Variants in ARHGEF33 observed in about 807,000 individuals in gnomAD.
ARHGEF33 encodes the protein DH and coiled-coil domain-containing protein ENSP00000381780.
In ARHGEF33, 72 loss-of-function variants were observed where a neutral mutation model predicts 101.9. The observed-to-expected ratio is 0.71, with a 90% CI of 0.58 to 0.86. The LOEUF is 0.86. ARHGEF33 is among the 40% of genes least tolerant of loss of function. ARHGEF33 has a pLI of 0.00. For missense variants in ARHGEF33, 1,169 were observed against 1,111.3 expected (o/e 1.05, Z -0.74); for synonymous variants, 499 against 442.5 (o/e 1.13, Z -1.60).
chr2:38,961,629 T>G (rs1054776857), intron 16 of ARHGEF33, among the ~76,000 whole-genome samples: 5 of 152,192 alleles, frequency 3.3e-5, no homozygotes, highest in Non-Finnish European at 7.3e-5. Context: ...CAGCAAACAC[T>G]GAGTTCTTGT....
chr2:38,963,429 T>C (rs897015264), intron 16 of ARHGEF33, among the ~76,000 whole-genome samples: 2 of 152,208 alleles, frequency 1.3e-5, no homozygotes, highest in African/African-American at 4.8e-5. Context: ...TCAGGAGCTC[T>C]AGGTTCTAGT....
intron 14 of ARHGEF33, 109 bp downstream of exon 14, chr2:38,957,156 A>G: frequency 7.6e-7 from 1 of 1,320,426 alleles, no homozygotes; most frequent in Non-Finnish European, 1.0e-6. Flanking sequence ...GGTGGGAGGT[A>G]GAAGGAAAGA....
intron 7 of ARHGEF33, 138 bp from the exon 8 acceptor site, chr2:38,935,632 ATACTG>A: frequency 1.7e-6 from 1 of 601,736 alleles, no homozygotes; most frequent in Non-Finnish European, 2.9e-6. Flanking sequence ...TTGCCACACT[ATACTG>A]TAATTTCTTT....
intron 4 of ARHGEF33, among the ~76,000 whole-genome samples, chr2:38,925,058 A>T (rs1049516975): frequency 2.6e-5 from 4 of 152,174 alleles, no homozygotes; most frequent in African/African-American, 9.7e-5. Flanking sequence ...TAAATGCCTT[A>T]TTAGAATATT....
chr2:38,974,029 A>G lies in ARHGEF33; in HGVS notation c.*186A>G. On this transcript the variant is annotated 3_prime_UTR_variant, in exon 18 of 18. Transcript: ENST00000409978. ...CATACAAGACATTGAAGAGATGAAG[A>G]TTAGTTTCTGGTTAAGATCTGGCTT... 3.2e-6 allele frequency: 1 copy of G among 309,042 alleles called. No homozygotes were observed. Among genetic ancestry groups the G allele is most frequent in the Non-Finnish European group, 4.9e-6 (1 of 203,004 alleles). The allele number at this position is 309,042 out of a possible 1,614,324, so 19.1% of individuals were successfully genotyped here. A position where few individuals can be genotyped will look rare whatever the true frequency, so the allele number is the denominator to read the frequency against.
chr2:38,921,191 T>C (rs2124992412), intron 3 of ARHGEF33, among the ~76,000 whole-genome samples, 183 bp from the exon 4 acceptor site: 1 of 152,332 alleles, frequency 6.6e-6, no homozygotes, highest in Middle Eastern at 3.4e-3. Context: ...GTTTAGTGAT[T>C]AGGATGTGTG....
chr2:38,940,431 CTT>C (rs752151423), intron 9 of ARHGEF33, among the ~76,000 whole-genome samples: 23 of 142,380 alleles, frequency 1.6e-4, no homozygotes, highest in Non-Finnish European at 1.9e-4. Flanking sequence ...GCCCAGCCAT[CTT>C]TTTTTTTTTT....
rs1319845529 is a variant in ARHGEF33, at chr2:38,964,625, G to T, written c.2344-1381G>T. On this transcript the variant is annotated intron_variant, in intron 16 of 17. Transcript: ENST00000409978. ...CCTATGAAAATCTAATGCCACTGCTGATCTGACAGAAGGTGGAGCTCAGGT... is the reference window on the plus strand; with the variant it reads ...CCTATGAAAATCTAATGCCACTGCTTATCTGACAGAAGGTGGAGCTCAGGT... 2.6e-5 allele frequency among the ~76,000 whole-genome samples: 4 copies of T among 151,198 alleles called. No individual in the cohort carries two copies. The Admixed American group carries it at 2.7e-4, about 10-fold the overall frequency.
chr2:38,937,930 T>C (rs767004727), intron 9 of ARHGEF33, among the ~76,000 whole-genome samples: 1 of 152,178 alleles, frequency 6.6e-6, no homozygotes, highest in African/African-American at 2.4e-5. Context: ...ACACAGCCTG[T>C]CCTCCCTCCT....
chr2:38,906,132 T>G (rs1231421418), intron 2 of ARHGEF33, among the ~76,000 whole-genome samples: 2 of 146,474 alleles, frequency 1.4e-5, no homozygotes, highest in Non-Finnish European at 3.0e-5. Flanking sequence ...GTGCCAAGAT[T>G]GAGCCAAGAT....
At chr2:38,940,805 T>A (rs1667287254) in intron 9 of ARHGEF33, among the ~76,000 whole-genome samples, 1 of 152,168 alleles carries the variant, frequency 6.6e-6, no homozygotes, top group East Asian at 1.9e-4. Context: ...CAAATCAATC[T>A]CCCTGAAAAT....
At chr2:38,924,658 A>C (rs2124994786) in intron 4 of ARHGEF33, among the ~76,000 whole-genome samples, 1 of 152,178 alleles carries the variant, frequency 6.6e-6, no homozygotes, top group East Asian at 1.9e-4. Context: ...TAAATCCATG[A>C]ATTTAGGACA....
In ARHGEF33 at chr2:38,937,515, G is replaced by T; in HGVS notation, c.746G>T (p.Arg249Ile). Residue 249 changes from arginine to isoleucine, a missense_variant, in exon 9 of 18, where the codon AGA becomes ATA. Physicochemically the swap from Arg to Ile is moderately conservative, Grantham distance 97. Transcript: ENST00000409978. ...AAACTCAAGGAGGCTGGCCAGGGTAGACACAGCTCCTTGGAAAACGTTTTA... is the reference window on the plus strand; with the variant it reads ...AAACTCAAGGAGGCTGGCCAGGGTATACACAGCTCCTTGGAAAACGTTTTA... ...PDKLKEAGQG[R>I]HSSLENVLCE... 6.4e-7 allele frequency: 1 copy of T among 1,550,692 alleles called. No individual in the cohort carries two copies. Among genetic ancestry groups the T allele is most frequent in the East Asian group, 2.4e-5 (1 of 40,920 alleles).
intron 17 of ARHGEF33, among the ~76,000 whole-genome samples, chr2:38,970,800 T>C (rs973833977): frequency 6.6e-6 from 1 of 152,202 alleles, no homozygotes; most frequent in Non-Finnish European, 1.5e-5. Context: ...TCCAAACTCA[T>C]GTTGGTTAAT....
At chr2:38,939,324 C>T (rs1213642777) in intron 9 of ARHGEF33, among the ~76,000 whole-genome samples, 1 of 152,094 alleles carries the variant, frequency 6.6e-6, no homozygotes, top group Admixed American at 6.5e-5. Flanking sequence ...GATGTATGCC[C>T]TCATTTCTCT....
At chr2:38,925,911 T>G (rs1434931516) in intron 4 of ARHGEF33, among the ~76,000 whole-genome samples, 1 of 152,058 alleles carries the variant, frequency 6.6e-6, no homozygotes, top group East Asian at 1.9e-4. Context: ...AAAACACAAG[T>G]TGAAATTTGT....
chr2:38,957,368 T>C lies in ARHGEF33; in HGVS notation c.1370+321T>C, dbSNP rs142952621. Among the ~76,000 whole-genome samples, 122 of 152,342 alleles carry C rather than the reference T, an allele frequency of 8.0e-4. 1 individual carries two copies. In the East Asian group the frequency reaches 0.014, roughly 17 times the overall value. ...AAACTGCAGTTAAAAGACCACAACA[T>C]AGTTTTCTTTATTAATTCAACAGAT... is the stretch of plus-strand genomic sequence containing the variant. On this transcript the variant is annotated intron_variant, in intron 14 of 17. Coordinates refer to ENST00000409978, the MANE Select transcript of ARHGEF33 (RefSeq NM_001145451.5).
At chr2:38,919,612 T>C (rs544896523) in intron 3 of ARHGEF33, 140 bp downstream of exon 3, 11 of 932,812 alleles carry the variant, frequency 1.2e-5, no homozygotes, top group Non-Finnish European at 1.8e-5. Flanking sequence ...CTATGAAGAA[T>C]ATAGACTGGG....
At chr2:38,892,889 G>A (rs1666036988) in intron 1 of ARHGEF33, among the ~76,000 whole-genome samples, 1 of 152,096 alleles carries the variant, frequency 6.6e-6, no homozygotes, top group Non-Finnish European at 1.5e-5. Flanking sequence ...TATTAAAGGT[G>A]CCTGCTCACT....
Sources: gnomAD v4.1 joint callset for allele counts (sites outside exome capture counted in the v4.1 genomes callset) on GRCh38, gnomAD v4.1.1 for gene constraint, MANE v1.5 for transcripts, NCBI Gene and HGNC (gene_info 2026-07-23, HGNC 2026-07-21) for gene names.